SIPA1L1: variants seen among roughly 807,000 people sequenced by gnomAD.
SIPA1L1 encodes signal induced proliferation associated 1 like 1.
A neutral mutation model predicts 162.7 loss-of-function variants in SIPA1L1; 26 were observed. The ratio of observed to expected loss-of-function variants is 0.16; its 90% CI spans 0.12 to 0.22. The LOEUF (loss-of-function observed/expected upper bound fraction) is 0.22, where lower values mean the gene tolerates loss of function less well. Ranked by LOEUF, SIPA1L1 falls within the 10% of genes least tolerant of loss-of-function variation. The probability of loss-of-function intolerance (pLI) is 1.00; values close to 1 mark genes in which losing one functional copy is unlikely to be tolerated. For synonymous variants in SIPA1L1, 829 were observed against 837.4 expected, an observed-to-expected ratio of 0.99 and a Z score of 0.17; for missense variants, 1,874 against 2,241.0, an observed-to-expected ratio of 0.84 and a Z score of 3.31.
At chr14:71,533,715 T>G (rs1328464836) in intron 4 of SIPA1L1, among the ~76,000 whole-genome samples, 2 of 152,228 alleles carry the variant, frequency 1.3e-5, no homozygotes, top group Admixed American at 6.5e-5. Flanking sequence ...GCCACTTTCA[T>G]TTTGGAGTTG....
intron 5 of SIPA1L1, among the ~76,000 whole-genome samples, chr14:71,602,889 C>T (rs2036952216): frequency 1.3e-5 from 2 of 152,186 alleles, no homozygotes; most frequent in Non-Finnish European, 2.9e-5. Context: ...ATGCCTGTCC[C>T]CTGTCCCCAC....
intron 7 of SIPA1L1, among the ~76,000 whole-genome samples, chr14:71,638,305 G>A (rs963204976): frequency 6.6e-6 from 1 of 151,726 alleles, no homozygotes; most frequent in Non-Finnish European, 1.5e-5. Flanking sequence ...AAAAAAATTA[G>A]CAAATATAAT....
intron 2 of SIPA1L1, among the ~76,000 whole-genome samples, chr14:71,403,772 G>A (rs2041848143): frequency 6.6e-6 from 1 of 152,090 alleles, no homozygotes; most frequent in African/African-American, 2.4e-5. Flanking sequence ...ATGAGCTTGT[G>A]GATGGGTGAG....
intron 2 of SIPA1L1, among the ~76,000 whole-genome samples, chr14:71,437,597 A>G (rs1229302924): frequency 6.6e-6 from 1 of 152,014 alleles, no homozygotes; most frequent in African/African-American, 2.4e-5. Context: ...CCTAGCCTCA[A>G]GTGATCTGCC....
intron 3 of SIPA1L1, among the ~76,000 whole-genome samples, chr14:71,526,481 A>C (rs1315991722): frequency 1.3e-5 from 2 of 152,150 alleles, no homozygotes; most frequent in Admixed American, 6.5e-5. Context: ...TCTCAACATT[A>C]TGTTTGTGAG....
chr14:71,401,067 T>C (rs149302065), intron 2 of SIPA1L1: 3 of 152,284 alleles, frequency 2.0e-5, no homozygotes, highest in Non-Finnish European at 4.4e-5. Flanking sequence ...TTGAGCAAAA[T>C]GAGAAGAGTA....
At chr14:71,563,722 G>C (rs2056971876) in intron 4 of SIPA1L1, among the ~76,000 whole-genome samples, 1 of 152,010 alleles carries the variant, frequency 6.6e-6, no homozygotes, top group Non-Finnish European at 1.5e-5. Flanking sequence ...CTGAACTTCT[G>C]TCTCCTAGGT....
intron 2 of SIPA1L1, among the ~76,000 whole-genome samples, chr14:71,442,624 A>G (rs922215184): frequency 4.6e-5 from 7 of 152,062 alleles, no homozygotes; most frequent in Non-Finnish European, 1.0e-4. Flanking sequence ...GAAAACAGTG[A>G]TTGTTTAAAG....
chr14:71,542,703 TC>T (rs1401937736), intron 4 of SIPA1L1, among the ~76,000 whole-genome samples: 3 of 90,430 alleles, frequency 3.3e-5, no homozygotes, highest in African/African-American at 1.3e-4. Context: ...CTTCTCCTCC[TC>T]CCTCCTCCTC....
chr14:71,422,648 G>C (rs996095152), intron 2 of SIPA1L1, among the ~76,000 whole-genome samples: 6 of 152,324 alleles, frequency 3.9e-5, no homozygotes, highest in Non-Finnish European at 7.4e-5. Context: ...GTTGTAGCAT[G>C]TGTAAGAATT....
intron 2 of SIPA1L1, among the ~76,000 whole-genome samples, chr14:71,413,683 G>A (rs865791102): frequency 3.9e-5 from 6 of 152,184 alleles, no homozygotes; most frequent in Non-Finnish European, 8.8e-5. Flanking sequence ...GTTGCAGTGA[G>A]CTGAGATCTT....
At chr14:71,374,355 C>A (rs1459114074) in intron 2 of SIPA1L1, among the ~76,000 whole-genome samples, 1 of 151,966 alleles carries the variant, frequency 6.6e-6, no homozygotes, top group Non-Finnish European at 1.5e-5. Flanking sequence ...TTTATTCCAA[C>A]TAATTTTGTC....
chr14:71,359,842 T>C (rs1395344113), intron 2 of SIPA1L1, among the ~76,000 whole-genome samples: 1 of 152,230 alleles, frequency 6.6e-6, no homozygotes, highest in East Asian at 1.9e-4. Context: ...GAACTGGTTC[T>C]TTAGATCTTA....
rs1380801080 is a variant in SIPA1L1 at position 71,456,974 on chromosome 14, G to T, written c.-464-55769G>T. On this transcript the variant is annotated intron_variant, in intron 2 of 23. Transcript: ENST00000381232. ...ATTTATTTTTAAAATTGAGGACAAG[G>T]CCTTGCTACATTGCTCAGGCTGGTC... Among the ~76,000 whole-genome samples, 5 of 152,160 alleles carry T rather than the reference G, an allele frequency of 3.3e-5. No homozygotes were observed. In the South Asian group the frequency reaches 1.0e-3, roughly 31 times the overall value.
At chr14:71,449,063 G>A (rs1307725347) in intron 2 of SIPA1L1, 1 of 152,222 alleles carries the variant, frequency 6.6e-6, no homozygotes, top group Non-Finnish European at 1.5e-5. Context: ...TCATTACTAT[G>A]AGAGACAGGT....
intron 2 of SIPA1L1, among the ~76,000 whole-genome samples, chr14:71,346,905 CTA>C (rs1442822937): frequency 6.6e-6 from 1 of 151,954 alleles, no homozygotes; most frequent in Non-Finnish European, 1.5e-5. Flanking sequence ...CTTTCGGTCT[CTA>C]TTGATTTGTC....
intron 8 of SIPA1L1, among the ~76,000 whole-genome samples, chr14:71,652,160 C>G (rs117202978): frequency 3.9e-5 from 6 of 152,102 alleles, no homozygotes; most frequent in South Asian, 4.1e-4. Flanking sequence ...GAAGACAGTA[C>G]GCAAAATCAT....
At chr14:71,717,131 C>G (rs1176020420) in intron 17 of SIPA1L1, among the ~76,000 whole-genome samples, 1 of 152,200 alleles carries the variant, frequency 6.6e-6, no homozygotes, top group Non-Finnish European at 1.5e-5. Context: ...ATTTCCTGAC[C>G]TCATGATCCA....
chr14:71,727,837 A>G, intron 19 of SIPA1L1, among the ~76,000 whole-genome samples: 1 of 152,186 alleles, frequency 6.6e-6, no homozygotes, highest in African/African-American at 2.4e-5. Flanking sequence ...GGCCATCTCA[A>G]CATTCTTGGA....
Sources: allele counts gnomAD v4.1 joint callset (sites outside exome capture counted in the v4.1 genomes callset), GRCh38; gene constraint gnomAD v4.1.1; transcripts MANE v1.5; gene names NCBI Gene and HGNC (gene_info 2026-07-23, HGNC 2026-07-21).